Variants in PSD3 observed in about 807,000 individuals in gnomAD.
PSD3 encodes the protein pleckstrin and Sec7 domain containing 3, also known as PH and SEC7 domain-containing protein 3.
In PSD3, 49 loss-of-function variants were observed where a neutral mutation model predicts 105.5. That is an observed-to-expected ratio of 0.46 (90% CI 0.37 to 0.59). PSD3 has a LOEUF of 0.59. PSD3 is among the 20% of genes least tolerant of loss of function. The pLI is 0.00. For missense variants in PSD3, 1,561 were observed against 1,263.8 expected, an observed-to-expected ratio of 1.24 and a Z score of -3.57; for synonymous variants, 557 against 457.8, an observed-to-expected ratio of 1.22 and a Z score of -2.77.
chr8:18,703,367 G>A (rs777376151), intron 9 of PSD3, among the ~76,000 whole-genome samples: 9 of 152,218 alleles, frequency 5.9e-5, no homozygotes, highest in Non-Finnish European at 1.0e-4. Context: ...TCCCCTTAAA[G>A]GTATGAAAAG....
intron 1 of PSD3, among the ~76,000 whole-genome samples, chr8:18,990,630 C>G (rs948285617): frequency 6.6e-6 from 1 of 152,120 alleles, no homozygotes; most frequent in Non-Finnish European, 1.5e-5. Flanking sequence ...TCATCCCCAC[C>G]CGGGCAATCT....
intron 15 of PSD3, among the ~76,000 whole-genome samples, chr8:18,545,157 C>T (rs1563307602): frequency 6.6e-6 from 1 of 152,168 alleles, no homozygotes; most frequent in African/African-American, 2.4e-5. Context: ...TAAACTCAGT[C>T]TGTATAAGTA....
chr8:18,572,767 GA>G, intron 13 of PSD3, 95 bp from the exon 14 acceptor site: 6 of 1,384,396 alleles, frequency 4.3e-6, no homozygotes, highest in Non-Finnish European at 6.0e-6. Flanking sequence ...AATGGCATGT[GA>G]AAATCATTTA....
chr8:18,845,348 G>A (rs573954058), intron 4 of PSD3, among the ~76,000 whole-genome samples: 22 of 152,154 alleles, frequency 1.4e-4, no homozygotes, highest in African/African-American at 3.6e-4. Flanking sequence ...GGGTCCCCTA[G>A]GCCTTTGGCG....
chr8:18,565,446 C>A (rs1801679412), intron 14 of PSD3, among the ~76,000 whole-genome samples: 2 of 152,066 alleles, frequency 1.3e-5, no homozygotes, highest in South Asian at 4.1e-4. Context: ...TCAGAAAGTA[C>A]CACGCTGCAC....
intron 4 of PSD3, among the ~76,000 whole-genome samples, chr8:18,836,376 C>G (rs1329802891): frequency 6.6e-6 from 1 of 152,182 alleles, no homozygotes; most frequent in Non-Finnish European, 1.5e-5. Context: ...TACCTTTACA[C>G]CATAGAATAC....
intron 4 of PSD3, among the ~76,000 whole-genome samples, chr8:18,810,333 C>G (rs992659583): frequency 6.6e-6 from 1 of 152,160 alleles, no homozygotes; most frequent in Non-Finnish European, 1.5e-5. Flanking sequence ...GTCTTCCATG[C>G]TATGCTATCA....
At chr8:19,040,029 C>T (rs949950153) in intron 1 of PSD3, among the ~76,000 whole-genome samples, 3 of 152,048 alleles carry the variant, frequency 2.0e-5, no homozygotes, top group Non-Finnish European at 4.4e-5. Flanking sequence ...GATATCTGGG[C>T]ACCAACCTAA....
In PSD3 at chr8:18,858,757, T is replaced by C. The variant is rs565376730; in HGVS notation, c.1634+8917A>G. Among the ~76,000 whole-genome samples, 7 of 152,354 alleles carry C rather than the reference T, an allele frequency of 4.6e-5. No homozygotes were observed. The South Asian group carries it at 1.5e-3, about 32-fold the overall frequency. ...ATTTATTAAAGTTTTATCATGACAC[T>C]GTAGCAATTCAGTCACATCTTAAGG... On this transcript the variant is annotated intron_variant, in intron 4 of 15. Transcript: ENST00000327040.
intron 9 of PSD3, among the ~76,000 whole-genome samples, chr8:18,741,616 C>T (rs1804578086): frequency 6.6e-6 from 1 of 152,186 alleles, no homozygotes; most frequent in Non-Finnish European, 1.5e-5. Context: ...TGTACTGGCA[C>T]TAGCTACATA....
intron 8 of PSD3, among the ~76,000 whole-genome samples, chr8:18,781,525 C>T (rs1375984493): frequency 6.6e-6 from 1 of 152,154 alleles, no homozygotes; most frequent in Admixed American, 6.5e-5. Flanking sequence ...GTTGTATAGA[C>T]TTTTCCACCG....
intron 4 of PSD3, among the ~76,000 whole-genome samples, chr8:18,837,436 T>C (rs1814203714): frequency 6.6e-6 from 1 of 152,112 alleles, no homozygotes; most frequent in South Asian, 2.1e-4. Flanking sequence ...TACGCCAAGC[T>C]CAAGAGGAGT....
chr8:18,942,836 A>G (rs569710062), intron 1 of PSD3, among the ~76,000 whole-genome samples: 1 of 152,302 alleles, frequency 6.6e-6, no homozygotes, highest in African/African-American at 2.4e-5. Flanking sequence ...AGCCTAGTTA[A>G]CTATTACTTT....
intron 1 of PSD3, among the ~76,000 whole-genome samples, chr8:19,064,626 C>G (rs17127763): frequency 0.065 from 9,853 of 151,952 alleles, 630 homozygotes; most frequent in East Asian, 0.19. Flanking sequence ...GTGATGAGGT[C>G]CCCCCTAGCA....
At chr8:19,075,191 G>A (rs1341650500) in intron 1 of PSD3, among the ~76,000 whole-genome samples, 4 of 151,838 alleles carry the variant, frequency 2.6e-5, no homozygotes, top group South Asian at 2.1e-4. Context: ...CAAGTGATCC[G>A]CCCACCTCGG....
chr8:18,774,050 C>T (rs1807797700), intron 8 of PSD3, among the ~76,000 whole-genome samples: 1 of 152,108 alleles, frequency 6.6e-6, no homozygotes, highest in African/African-American at 2.4e-5. Context: ...AATTGTTTTG[C>T]AAATGCTCAA....
At chr8:18,609,296 C>A (rs1453063462) in intron 11 of PSD3, among the ~76,000 whole-genome samples, 1 of 152,074 alleles carries the variant, frequency 6.6e-6, no homozygotes, top group Non-Finnish European at 1.5e-5. Context: ...TCCTGCCAGG[C>A]CAAGAAACAG....
intron 10 of PSD3, among the ~76,000 whole-genome samples, chr8:18,641,715 G>A (rs1402461729): frequency 6.6e-6 from 1 of 152,140 alleles, no homozygotes; most frequent in Non-Finnish European, 1.5e-5. Context: ...AAATAAAGGT[G>A]GTGGTTGAAT....
intron 10 of PSD3, among the ~76,000 whole-genome samples, chr8:18,635,850 C>G (rs1157047038): frequency 7.5e-6 from 1 of 133,596 alleles, no homozygotes; most frequent in Non-Finnish European, 1.5e-5. Flanking sequence ...CATTTGGACA[C>G]AAGGAGGGGA....
Sources: allele counts gnomAD v4.1 joint callset (sites outside exome capture counted in the v4.1 genomes callset), GRCh38; gene constraint gnomAD v4.1.1; transcripts MANE v1.5; gene names NCBI Gene and HGNC (gene_info 2026-07-23, HGNC 2026-07-21).